Variants in EFCAB3 observed in about 807,000 individuals in gnomAD.
EFCAB3 encodes the protein EF-hand calcium-binding domain-containing protein 3.
Under a neutral mutation model 42.2 loss-of-function variants are expected in EFCAB3, and 36 were observed. The observed-to-expected ratio is 0.85, with a 90% CI of 0.65 to 1.13. The LOEUF (loss-of-function observed/expected upper bound fraction) is 1.13. Among genes scored for constraint, EFCAB3 ranks in the 50% most tolerant of loss-of-function variants. The pLI is 0.00. For synonymous variants in EFCAB3, 170 were observed against 172.8 expected (o/e 0.98, Z 0.13); for missense variants, 418 against 505.1 (o/e 0.83, Z 1.65).
chr17:62,372,939 GATTA>G (rs1183654736), intron 1 of EFCAB3, among the ~76,000 whole-genome samples: 3 of 152,090 alleles, frequency 2.0e-5, no homozygotes, highest in Admixed American at 1.3e-4. Context: ...TTGTCCCTTT[GATTA>G]ATACAATTTC....
At chr17:62,388,068 A>G (rs1317363055) in intron 3 of EFCAB3, among the ~76,000 whole-genome samples, 2 of 151,892 alleles carry the variant, frequency 1.3e-5, no homozygotes, top group Non-Finnish European at 2.9e-5. Flanking sequence ...AAATTAGCTG[A>G]GCGTGGTGGC....
intron 5 of EFCAB3, among the ~76,000 whole-genome samples, chr17:62,394,246 C>T (rs1162962842): frequency 1.3e-5 from 2 of 152,202 alleles, no homozygotes; most frequent in Non-Finnish European, 2.9e-5. Flanking sequence ...AGCCACCACG[C>T]CCAGCCTATA....
rs780676689 is a variant in EFCAB3, at chr17:62,395,048, C to G, written c.368-20C>G. 1 of 1,609,954 alleles carries G rather than the reference C, an allele frequency of 6.2e-7. No individual in the cohort carries two copies. On this transcript the variant is annotated intron_variant, in intron 5 of 9. Coordinates refer to ENST00000305286, the MANE Select transcript of EFCAB3 (RefSeq NM_173503.4). The stretch of plus-strand genomic sequence containing the variant: ...TTTCAGAAGGTATTTAAAAATCTAT[C>G]TTTTGTTTTCCCTCCATAGTTCCAG...
intron 2 of EFCAB3, among the ~76,000 whole-genome samples, chr17:62,385,886 AT>A (rs58217905): frequency 2.6e-3 from 366 of 140,990 alleles, no homozygotes; most frequent in Non-Finnish European, 3.0e-3. Flanking sequence ...TGCCCGGCTA[AT>A]TTTTTTTTTT....
intron 1 of EFCAB3, among the ~76,000 whole-genome samples, chr17:62,370,524 TG>T (rs773304494): frequency 2.6e-5 from 4 of 151,974 alleles, no homozygotes; most frequent in African/African-American, 9.7e-5. Flanking sequence ...GGCGTGGTGG[TG>T]GGCACCTGTA....
At chr17:62,412,361 C>CAAAAA (rs1237628464) in intron 8 of EFCAB3, among the ~76,000 whole-genome samples, 4 of 65,946 alleles carry the variant, frequency 6.1e-5, no homozygotes, top group Admixed American at 1.6e-4. Context: ...GACTCTGTCT[C>CAAAAA]AAAAAAAAAA....
At chr17:62,395,303 G>C in intron 6 of EFCAB3, 115 bp downstream of exon 6, 1 of 1,345,086 alleles carries the variant, frequency 7.4e-7, no homozygotes, top group Non-Finnish European at 1.0e-6. Flanking sequence ...CAAAACTAAG[G>C]AGAAGAAGGT....
intron 1 of EFCAB3, among the ~76,000 whole-genome samples, chr17:62,372,204 C>G (rs1258845317): frequency 1.3e-5 from 2 of 149,264 alleles, no homozygotes; most frequent in East Asian, 3.9e-4. Flanking sequence ...ATGTTCTGTT[C>G]TCTCTAGTTT....
chr17:62,406,973 A>G, intron 7 of EFCAB3, 55 bp from the exon 8 acceptor site: 1 of 1,524,232 alleles, frequency 6.6e-7, no homozygotes, highest in Non-Finnish European at 8.8e-7. Flanking sequence ...CTGGTCTTTT[A>G]TGTGAACTTC....
chr17:62,385,005 G>A (rs906530874), intron 2 of EFCAB3, among the ~76,000 whole-genome samples: 2 of 152,232 alleles, frequency 1.3e-5, no homozygotes, highest in African/African-American at 4.8e-5. Flanking sequence ...GCTAAGCTAT[G>A]TAGGTTAGGC....
rs779169004 is a variant in EFCAB3, at chr17:62,416,281, C to T, written c.1269C>T (p.Asp423=). The T allele has an allele frequency of 1.2e-6, 2 of 1,611,314 alleles. No individual in the cohort carries two copies. Among genetic ancestry groups the T allele is most frequent in the Non-Finnish European group, 1.7e-6 (2 of 1,179,248 alleles). Residue 423 remains aspartate, a synonymous_variant, in exon 10 of 10, where the codon GAC becomes GAT. Transcript: ENST00000305286. The stretch of plus-strand genomic sequence containing the variant: ...CAGATACCAGTGAATGTTACACAGA[C>T]TCAGGAAGAAAAAGAAAACGGAAAG... ...SSSDTSECYT[D]SGRKRKRKGL... is the part of the protein sequence containing the mutation.
At chr17:62,378,060 C>A (rs182998101), upstream of EFCAB3, 54 of 1,479,746 alleles carry the variant, frequency 3.6e-5, no homozygotes, top group Non-Finnish European at 4.5e-5. Context: ...AAAGATGGGG[C>A]TTAATACTTT....
Position 62,395,102 on chromosome 17 carries a change from C to A in EFCAB3, c.402C>A (p.Gly134=), listed in dbSNP as rs2070337487. The A allele has an allele frequency of 3.1e-6, 5 of 1,614,050 alleles. No individual in the cohort carries two copies. In the East Asian group the frequency reaches 1.1e-4, roughly 36 times the overall value. Residue 134 remains glycine (G), a synonymous_variant, in exon 6 of 10, where the codon GGC becomes GGA. Transcript: ENST00000305286. ...PEKETCLDLA[G]NPGILLFEIL... ...AGGAGACCTGTTTAGATTTGGCTGG[C>A]AACCCAGGAATCCTATTGTTTGAAA...
At chr17:62,409,203 T>C (rs957817377) in intron 8 of EFCAB3, among the ~76,000 whole-genome samples, 3 of 152,018 alleles carry the variant, frequency 2.0e-5, no homozygotes, top group Non-Finnish European at 4.4e-5. Flanking sequence ...ACCACAGGCA[T>C]GCGCCACCAC....
At chr17:62,375,144 ATAATT>A (rs2070140397) in intron 2 of EFCAB3, among the ~76,000 whole-genome samples, 1 of 152,194 alleles carries the variant, frequency 6.6e-6, no homozygotes, top group African/African-American at 2.4e-5. Flanking sequence ...GGATGTAAGA[ATAATT>A]TAAGGTATAT....
intron 6 of EFCAB3, among the ~76,000 whole-genome samples, chr17:62,405,417 C>A (rs1238036753): frequency 6.6e-6 from 1 of 152,176 alleles, no homozygotes; most frequent in Admixed American, 6.6e-5. Flanking sequence ...GTGAAGCCTC[C>A]CATTGCTGTA....
At chr17:62,388,625 G>A (rs1477714186) in intron 3 of EFCAB3, among the ~76,000 whole-genome samples, 1 of 152,140 alleles carries the variant, frequency 6.6e-6, no homozygotes, top group Non-Finnish European at 1.5e-5. Flanking sequence ...GCCCTGACAG[G>A]GGCAGTCCCT....
chr17:62,399,532 T>A (rs747360565), intron 6 of EFCAB3, among the ~76,000 whole-genome samples: 9 of 152,208 alleles, frequency 5.9e-5, no homozygotes, highest in Non-Finnish European at 1.2e-4. Context: ...TTGACCTCTT[T>A]GACTTTGTCT....
At chr17:62,371,095 A>C (rs1242595673) in intron 1 of EFCAB3, among the ~76,000 whole-genome samples, 1 of 38,510 alleles carries the variant, frequency 2.6e-5, no homozygotes, top group Non-Finnish European at 7.7e-5. Flanking sequence ...CTGTCTCCTT[A>C]AAAAAAGAAA....
Sources: allele counts gnomAD v4.1 joint callset (sites outside exome capture counted in the v4.1 genomes callset), GRCh38; gene constraint gnomAD v4.1.1; transcripts MANE v1.5; gene names NCBI Gene and HGNC (gene_info 2026-07-23, HGNC 2026-07-21).